BLOC1S6: variants seen among roughly 807,000 people sequenced by gnomAD.
The protein encoded by BLOC1S6 is biogenesis of lysosome-related organelles complex 1 subunit 6.
Under a neutral mutation model 24.7 loss-of-function variants are expected in BLOC1S6, and 24 were observed. The ratio of observed to expected loss-of-function variants is 0.97; its 90% CI spans 0.70 to 1.37. BLOC1S6 has a LOEUF of 1.37. BLOC1S6 is among the 40% of genes most tolerant of loss of function. The pLI is 0.00. For missense variants in BLOC1S6, 175 were observed against 196.2 expected (o/e 0.89, Z 0.64); for synonymous variants, 76 against 72.6 (o/e 1.05, Z -0.23).
At chr15:45,591,919 T>C in intron 1 of BLOC1S6, 1 of 546,392 alleles carries the variant, frequency 1.8e-6, no homozygotes, top group Non-Finnish European at 3.2e-6. Flanking sequence ...ACCCCATTTG[T>C]GGGCTCCTTT....
chr15:45,588,609 A>G (rs1893774828), intron 1 of BLOC1S6, among the ~76,000 whole-genome samples: 1 of 152,200 alleles, frequency 6.6e-6, no homozygotes, highest in Non-Finnish European at 1.5e-5. Flanking sequence ...CTTTCAACGC[A>G]TCTGTCCCGC....
chr15:45,604,618 T>C (rs775909840), intron 3 of BLOC1S6, among the ~76,000 whole-genome samples: 2 of 152,126 alleles, frequency 1.3e-5, no homozygotes, highest in Non-Finnish European at 2.9e-5. Context: ...AACTGAAAAC[T>C]GGAAGGCCCA....
At chr15:45,597,367 T>C in intron 2 of BLOC1S6, among the ~76,000 whole-genome samples, 1 of 152,090 alleles carries the variant, frequency 6.6e-6, no homozygotes, top group East Asian at 1.9e-4. Flanking sequence ...TAGTCATAGC[T>C]ACTTGGGAGG....
intron 2 of BLOC1S6, among the ~76,000 whole-genome samples, chr15:45,601,971 C>T (rs916779197): frequency 6.6e-6 from 1 of 152,136 alleles, no homozygotes; most frequent in African/African-American, 2.4e-5. Flanking sequence ...GTTTCTAACT[C>T]CTGGGCTCAA....
intron 2 of BLOC1S6, among the ~76,000 whole-genome samples, chr15:45,600,244 G>A (rs547424782): frequency 8.2e-4 from 123 of 150,796 alleles, no homozygotes; most frequent in Non-Finnish European, 1.9e-4. Flanking sequence ...TGACGAGTTA[G>A]TGGGTGCAGT....
rs774700428 is a variant in BLOC1S6 at position 45,603,157 on chromosome 15, A to T, written c.282A>T (p.Glu94Asp). 1 of 1,606,110 alleles carries T rather than the reference A, an allele frequency of 6.2e-7. No individual in the cohort carries two copies. ...AACAAGAGATTTCAAAATTTAAAGAATGTCATTCTATGTTGGATATTAATG... is the reference window on the plus strand; with the variant it reads ...AACAAGAGATTTCAAAATTTAAAGATTGTCATTCTATGTTGGATATTAATG... ...TLEQEISKFK[E>D]CHSMLDINAL... Residue 94 changes from glutamate to aspartate, a missense_variant, in exon 3 of 5, where the codon GAA becomes GAT. By Grantham distance (45) the Glu-to-Asp change is conservative. Transcript: ENST00000220531.
chr15:45,595,360 C>G (rs901912012), intron 2 of BLOC1S6, among the ~76,000 whole-genome samples: 1 of 152,232 alleles, frequency 6.6e-6, no homozygotes, highest in Non-Finnish European at 1.5e-5. Flanking sequence ...ACTTCTGTCA[C>G]TTGGAAAATT....
At chr15:45,595,669 T>G (rs1004358423) in intron 2 of BLOC1S6, among the ~76,000 whole-genome samples, 3 of 152,124 alleles carry the variant, frequency 2.0e-5, no homozygotes, top group Middle Eastern at 3.2e-3. Context: ...GTCGGTTTTT[T>G]CTTTTATGAA....
intron 2 of BLOC1S6, among the ~76,000 whole-genome samples, chr15:45,593,733 CAAT>C (rs1273050433): frequency 2.0e-5 from 3 of 152,098 alleles, no homozygotes; most frequent in Non-Finnish European, 4.4e-5. Context: ...ACCCAGACAA[CAAT>C]GATTATTTTG....
intron 1 of BLOC1S6, 61 bp from the exon 2 acceptor site, chr15:45,592,074 G>A (rs775966578): frequency 6.3e-7 from 1 of 1,578,182 alleles, no homozygotes; most frequent in Non-Finnish European, 8.6e-7. Flanking sequence ...TGCTTCAGTT[G>A]ACCAGCCTAA....
At position 45,593,734 on chromosome 15, in the gene BLOC1S6, A is replaced by T. The variant is rs544969211; in HGVS notation, c.224+1458A>T. 1.1e-4 allele frequency among the ~76,000 whole-genome samples: 16 copies of T among 152,306 alleles called. No individual in the cohort carries two copies. The East Asian group carries it at 2.7e-3, about 26-fold the overall frequency. ...TTATCTTCTTAGGCACCCAGACAACAATGATTATTTTGACGATGATAGTAA... is the reference window on the plus strand; with the variant it reads ...TTATCTTCTTAGGCACCCAGACAACTATGATTATTTTGACGATGATAGTAA... On this transcript the variant is annotated intron_variant, in intron 2 of 4. Coordinates refer to ENST00000220531, the MANE Select transcript of BLOC1S6 (RefSeq NM_012388.4).
intron 2 of BLOC1S6, among the ~76,000 whole-genome samples, 176 bp downstream of exon 2, chr15:45,592,452 A>G (rs1026588683): frequency 1.5e-4 from 23 of 152,216 alleles, no homozygotes; most frequent in Non-Finnish European, 1.0e-4. Flanking sequence ...TCTAAATGTA[A>G]AAAGTGAAAT....
At chr15:45,605,801 G>C (rs1894434009) in intron 4 of BLOC1S6, 1 of 347,580 alleles carries the variant, frequency 2.9e-6, no homozygotes, top group South Asian at 2.6e-5. Context: ...TGTTGGCCAG[G>C]CTGGTCTCAA....
At chr15:45,587,600 A>G in intron 1 of BLOC1S6, 75 bp downstream of exon 1, 1 of 1,415,052 alleles carries the variant, frequency 7.1e-7, no homozygotes, top group African/African-American at 1.4e-5. Context: ...AGAACTCCGG[A>G]GAAACCCTGG....
chr15:45,597,373 G>A (rs1294604327), intron 2 of BLOC1S6, among the ~76,000 whole-genome samples: 1 of 152,094 alleles, frequency 6.6e-6, no homozygotes, highest in Non-Finnish European at 1.5e-5. Flanking sequence ...TAGCTACTTG[G>A]GAGGCTGAGG....
intron 2 of BLOC1S6, among the ~76,000 whole-genome samples, chr15:45,593,425 C>G (rs1367216873): frequency 1.4e-5 from 2 of 144,574 alleles, no homozygotes; most frequent in East Asian, 4.1e-4. Context: ...CTGGGTTATT[C>G]TAAGACTACA....
intron 1 of BLOC1S6, 74 bp from the exon 2 acceptor site, chr15:45,592,061 C>A: frequency 3.3e-6 from 5 of 1,531,076 alleles, no homozygotes; most frequent in Non-Finnish European, 4.4e-6. Flanking sequence ...TCTCTAATCC[C>A]ACTGCTTCAG....
rs1894460178 is a variant in BLOC1S6, at chr15:45,606,376, A to C, written c.400-19A>C. On this transcript the variant is annotated intron_variant, in intron 4 of 4. Coordinates refer to ENST00000220531, the MANE Select transcript of BLOC1S6 (RefSeq NM_012388.4). ...CCCCTGATTGCTCTCTTGGTTTTTAAATTTTTTTTTTAACACAGAAAAGAG... is the reference window on the plus strand; with the variant it reads ...CCCCTGATTGCTCTCTTGGTTTTTACATTTTTTTTTTAACACAGAAAAGAG... 6.2e-7 allele frequency: 1 copy of C among 1,612,776 alleles called. No individual in the cohort carries two copies. Among genetic ancestry groups the C allele is most frequent in the African/African-American group, 1.3e-5 (1 of 74,898 alleles).
intron 3 of BLOC1S6, among the ~76,000 whole-genome samples, chr15:45,603,559 A>T (rs892410968): frequency 1.3e-5 from 2 of 151,966 alleles, no homozygotes; most frequent in African/African-American, 4.8e-5. Flanking sequence ...AAAGTAATTT[A>T]GAAAAATAGT....
Sources: gnomAD v4.1 joint callset for allele counts (sites outside exome capture counted in the v4.1 genomes callset) on GRCh38, gnomAD v4.1.1 for gene constraint, MANE v1.5 for transcripts, NCBI Gene and HGNC (gene_info 2026-07-23, HGNC 2026-07-21) for gene names.